Variants in ROBO1 observed in about 807,000 individuals in gnomAD.
ROBO1 encodes the protein roundabout homolog 1.
A neutral mutation model predicts 195.9 loss-of-function variants in ROBO1; 149 were observed. The observed-to-expected ratio is 0.76, with a 90% CI of 0.67 to 0.87. The LOEUF (loss-of-function observed/expected upper bound fraction) is 0.87, where lower values mean the gene tolerates loss of function less well. ROBO1 is among the 40% of genes least tolerant of loss of function. The pLI is 0.00. For missense variants in ROBO1, 1,933 were observed against 2,068.3 expected (o/e 0.93, Z 1.27); for synonymous variants, 816 against 733.2 (o/e 1.11, Z -1.82).
chr3:78,814,819 A>G (rs1329505532), intron 4 of ROBO1, among the ~76,000 whole-genome samples: 1 of 152,110 alleles, frequency 6.6e-6, no homozygotes, highest in East Asian at 1.9e-4. Flanking sequence ...TGCACTTTTT[A>G]CTAATTGAAC....
chr3:79,106,619 T>G (rs774794330), intron 3 of ROBO1, among the ~76,000 whole-genome samples: 1 of 151,552 alleles, frequency 6.6e-6, no homozygotes, highest in Non-Finnish European at 1.5e-5. Context: ...TTCAAGTAAG[T>G]GCTAAATCCT....
intron 3 of ROBO1, among the ~76,000 whole-genome samples, chr3:79,039,708 T>C (rs996451199): frequency 6.2e-5 from 9 of 144,832 alleles, no homozygotes; most frequent in South Asian, 2.2e-4. Context: ...GGCAGGAGAA[T>C]TGCTTGAACC....
At chr3:79,279,656 C>T (rs2108997321) in intron 2 of ROBO1, among the ~76,000 whole-genome samples, 1 of 152,246 alleles carries the variant, frequency 6.6e-6, no homozygotes, top group Non-Finnish European at 1.5e-5. Flanking sequence ...AACTGTACCT[C>T]CATATTTATT....
intron 2 of ROBO1, among the ~76,000 whole-genome samples, chr3:79,451,146 A>G (rs182620818): frequency 1.1e-3 from 174 of 152,128 alleles, no homozygotes; most frequent in Non-Finnish European, 2.3e-3. Flanking sequence ...AAATTGTAAG[A>G]TGTGTACAGT....
intron 2 of ROBO1, among the ~76,000 whole-genome samples, chr3:79,334,423 T>G (rs6801558): frequency 0.11 from 16,099 of 149,882 alleles, 881 homozygotes; most frequent in Middle Eastern, 0.14. Flanking sequence ...TTCTTGTTAT[T>G]TACTTTAATC....
At chr3:78,912,541 GAGATT>G (rs2038307568) in intron 4 of ROBO1, among the ~76,000 whole-genome samples, 1 of 152,120 alleles carries the variant, frequency 6.6e-6, no homozygotes, top group Non-Finnish European at 1.5e-5. Flanking sequence ...TTGTAAACAG[GAGATT>G]AGCATGGGAG....
intron 3 of ROBO1, among the ~76,000 whole-genome samples, chr3:78,968,457 T>A (rs1274525835): frequency 6.6e-6 from 1 of 151,906 alleles, no homozygotes; most frequent in Non-Finnish European, 1.5e-5. Context: ...ACTTTCACCA[T>A]GATGGGGATG....
At chr3:79,019,036 G>C in intron 3 of ROBO1, 1 of 989,004 alleles carries the variant, frequency 1.0e-6, no homozygotes, top group Non-Finnish European at 1.2e-6. Context: ...GTGACTCCGC[G>C]CGCAGAGAGC....
chr3:79,642,507 C>A (rs1027867428), intron 1 of ROBO1, among the ~76,000 whole-genome samples: 50 of 151,988 alleles, frequency 3.3e-4, no homozygotes, highest in African/African-American at 1.1e-3. Flanking sequence ...CAAAGAGGGG[C>A]TTTTAAGAGC....
At chr3:79,329,691 A>C (rs2034353801) in intron 2 of ROBO1, among the ~76,000 whole-genome samples, 1 of 152,174 alleles carries the variant, frequency 6.6e-6, no homozygotes, top group Non-Finnish European at 1.5e-5. Context: ...TGTTTTCTTT[A>C]TCAAATCCAG....
At chr3:79,120,551 A>T (rs1295310857) in intron 3 of ROBO1, among the ~76,000 whole-genome samples, 7 of 152,150 alleles carry the variant, frequency 4.6e-5, no homozygotes, top group Admixed American at 4.6e-4. Flanking sequence ...GGAAAGAGAA[A>T]GTAATTAGAT....
At chr3:79,158,029 T>C (rs2080889409) in intron 2 of ROBO1, among the ~76,000 whole-genome samples, 2 of 151,976 alleles carry the variant, frequency 1.3e-5, no homozygotes, top group East Asian at 1.9e-4. Flanking sequence ...TATGTAAGTA[T>C]TATGGTGAGT....
intron 3 of ROBO1, among the ~76,000 whole-genome samples, chr3:78,939,495 G>T (rs1350857995): frequency 2.7e-5 from 4 of 150,636 alleles, no homozygotes; most frequent in African/African-American, 9.8e-5. Flanking sequence ...GCGGACACCT[G>T]AAGTCCCAGC....
chr3:79,112,222 T>A (rs755405628), intron 3 of ROBO1, among the ~76,000 whole-genome samples: 1 of 152,160 alleles, frequency 6.6e-6, no homozygotes, highest in African/African-American at 2.4e-5. Flanking sequence ...AATATTTGAA[T>A]TGATTTTTCA....
intron 21 of ROBO1, among the ~76,000 whole-genome samples, chr3:78,645,173 G>A (rs1245781013): frequency 6.6e-6 from 1 of 152,056 alleles, no homozygotes. Flanking sequence ...ATTAGTACTT[G>A]TTGCCAAATT....
intron 3 of ROBO1, among the ~76,000 whole-genome samples, chr3:79,116,685 T>C (rs1047533367): frequency 2.6e-5 from 4 of 151,862 alleles, no homozygotes; most frequent in Non-Finnish European, 5.9e-5. Flanking sequence ...GCCCAGCTAA[T>C]TTTTGTATTT....
rs190358872 is a variant in ROBO1, at chr3:78,950,524, G to C, written c.173-11597C>G. 3.9e-3 allele frequency among the ~76,000 whole-genome samples: 366 copies of C among 94,654 alleles called. 1 individual carries two copies. The highest frequency in any genetic ancestry group is 0.015 in the African/African-American group (352 of 24,132). The allele number at this position is 94,654 out of a possible 152,430, so 62.1% of individuals were successfully genotyped here. On this transcript the variant is annotated intron_variant, in intron 3 of 30. Coordinates refer to ENST00000464233, the MANE Select transcript of ROBO1 (RefSeq NM_002941.4). ...CGAGGCCTGTTGTGGGGTGGGGGGA[G>C]GGGGGAGGGATAAGCTTTAGGAGAT...
intron 2 of ROBO1, among the ~76,000 whole-genome samples, chr3:79,240,440 A>G (rs1289408825): frequency 6.6e-6 from 1 of 152,184 alleles, no homozygotes; most frequent in African/African-American, 2.4e-5. Context: ...TAATGTGTTA[A>G]AACATTTAAG....
intron 4 of ROBO1, among the ~76,000 whole-genome samples, chr3:78,823,441 CAG>C (rs1438162833): frequency 6.6e-6 from 1 of 152,168 alleles, no homozygotes; most frequent in Non-Finnish European, 1.5e-5. Flanking sequence ...ATAAGGAAGA[CAG>C]GGAACAATAT....
Sources: gnomAD v4.1 joint callset for allele counts (sites outside exome capture counted in the v4.1 genomes callset) on GRCh38, gnomAD v4.1.1 for gene constraint, MANE v1.5 for transcripts, NCBI Gene and HGNC (gene_info 2026-07-23, HGNC 2026-07-21) for gene names.